FAM124A: variants seen among roughly 807,000 people sequenced by gnomAD.
FAM124A encodes the protein protein FAM124A.
A neutral mutation model predicts 24.5 loss-of-function variants in FAM124A; 23 were observed. The ratio of observed to expected loss-of-function variants is 0.94; its 90% CI spans 0.68 to 1.33. The LOEUF (loss-of-function observed/expected upper bound fraction) is 1.33, where lower values mean the gene tolerates loss of function less well. Ranked by LOEUF, FAM124A falls within the 40% of genes most tolerant of loss-of-function variation. FAM124A has a pLI of 0.00. For synonymous variants in FAM124A, 287 were observed against 314.7 expected (o/e 0.91, Z 0.93); for missense variants, 623 against 722.8 (o/e 0.86, Z 1.58).
At chr13:51,227,460 A>G (rs2137642666) in intron 1 of FAM124A, 1 of 152,372 alleles carries the variant, frequency 6.6e-6, no homozygotes, top group East Asian at 1.9e-4. Flanking sequence ...AAAGCAAACT[A>G]GTATTCTTCT....
intron 2 of FAM124A, among the ~76,000 whole-genome samples, chr13:51,244,461 A>G (rs1297112154): frequency 6.6e-6 from 1 of 152,224 alleles, no homozygotes; most frequent in Non-Finnish European, 1.5e-5. Flanking sequence ...ATTGTCAGTG[A>G]CAAATTGTGT....
chr13:51,224,379 G>A (rs973435276), intron 1 of FAM124A, among the ~76,000 whole-genome samples: 5 of 152,164 alleles, frequency 3.3e-5, no homozygotes, highest in African/African-American at 1.2e-4. Context: ...GCTGAGGCAG[G>A]AGAATCGCTT....
rs1003928789 is a variant in FAM124A, at chr13:51,282,169, A to G, written c.*913A>G. On this transcript the variant is annotated 3_prime_UTR_variant, in exon 4 of 4. Transcript: ENST00000322475. ...GTCTAAGGACTATATTCAAATGACA[A>G]GAGCCGCACTGTATACTGCTTTCTG... The G allele has an allele frequency of 6.6e-6, 1 of 152,234 alleles. No homozygotes were observed. The highest frequency in any genetic ancestry group is 1.5e-5 in the Non-Finnish European group (1 of 68,044). The allele number at this position is 152,234 out of a possible 1,614,324, so 9.4% of individuals were successfully genotyped here. A position where few individuals can be genotyped will look rare whatever the true frequency, so the allele number is the denominator to read the frequency against.
At position 51,251,457 on chromosome 13, in the gene FAM124A, C is replaced by T. The variant is rs750984967; in HGVS notation, c.101-11C>T. On this transcript the variant is annotated splice_polypyrimidine_tract_variant and intron_variant, in intron 2 of 3. Coordinates refer to ENST00000322475, the MANE Select transcript of FAM124A (RefSeq NM_001242312.2). The surrounding 1 kb of genome is among the most constrained non-coding windows in gnomAD (Gnocchi z 5.3). ...TATTCATTCATCCATTCGTTTTTTG[C>T]GTGCCCCCAGGTGAGCTTTCCGTTG... 6 of 1,492,450 alleles carry T rather than the reference C, an allele frequency of 4.0e-6. No individual in the cohort carries two copies. The highest frequency in any genetic ancestry group is 2.8e-5 in the African/African-American group (2 of 71,304). 92.5% of individuals were successfully genotyped at this position (1,492,450 alleles called of 1,614,324 possible).
intron 2 of FAM124A, among the ~76,000 whole-genome samples, chr13:51,247,187 C>T (rs1283661291): frequency 3.3e-5 from 5 of 152,180 alleles, no homozygotes; most frequent in African/African-American, 1.2e-4. Flanking sequence ...TGCAGAGGGG[C>T]CAGGCGGGAG....
At chr13:51,255,793 C>T (rs990472403) in intron 3 of FAM124A, among the ~76,000 whole-genome samples, 1 of 152,220 alleles carries the variant, frequency 6.6e-6, no homozygotes, top group Non-Finnish European at 1.5e-5. Context: ...GGAGGCTGGG[C>T]AAACAGAATA....
At chr13:51,274,533 T>C (rs1162384697) in intron 3 of FAM124A, among the ~76,000 whole-genome samples, 3 of 152,204 alleles carry the variant, frequency 2.0e-5, no homozygotes, top group Admixed American at 2.0e-4. Flanking sequence ...ATTTGAAAAG[T>C]TGCTCTTTAT....
intron 3 of FAM124A, among the ~76,000 whole-genome samples, chr13:51,268,533 T>C (rs1283613076): frequency 6.6e-6 from 1 of 152,144 alleles, no homozygotes. Flanking sequence ...TGCTTTTCAT[T>C]AGGTCAGGTG....
At chr13:51,265,960 A>T in intron 3 of FAM124A, among the ~76,000 whole-genome samples, 1 of 152,226 alleles carries the variant, frequency 6.6e-6, no homozygotes, top group Non-Finnish European at 1.5e-5. Context: ...TCACCAAAAA[A>T]CTATACAGAT....
Position 51,246,405 on chromosome 13 carries a change from G to T in FAM124A, c.101-5063G>T, listed in dbSNP as rs530907851. Among the ~76,000 whole-genome samples the T allele has an allele frequency of 2.5e-4, 18 of 70,860 alleles. 2 individuals carry two copies. The highest frequency in any genetic ancestry group is 1.0e-3 in the East Asian group (2 of 1,930). 46.5% of individuals were successfully genotyped at this position (70,860 alleles called of 152,430 possible). On this transcript the variant is annotated intron_variant, in intron 2 of 3. Coordinates refer to ENST00000322475, the MANE Select transcript of FAM124A (RefSeq NM_001242312.2). ...CACAGAGGCATGTTTCTCGTGGGGT[G>T]GGGGGGGGTGTAACTCTAACACCTG...
intron 3 of FAM124A, among the ~76,000 whole-genome samples, chr13:51,271,115 C>A (rs992710392): frequency 6.6e-6 from 1 of 152,164 alleles, no homozygotes; most frequent in Non-Finnish European, 1.5e-5. Context: ...GTTCAACATA[C>A]TTTAGCCAAG....
intron 2 of FAM124A, among the ~76,000 whole-genome samples, chr13:51,239,156 A>G (rs566991271): frequency 3.4e-4 from 52 of 152,332 alleles, no homozygotes; most frequent in African/African-American, 1.2e-3. Context: ...AAAGTGAATA[A>G]CTGCCACTAC....
intron 2 of FAM124A, among the ~76,000 whole-genome samples, chr13:51,250,441 AAG>A (rs1776278887): frequency 6.6e-6 from 1 of 152,236 alleles, no homozygotes; most frequent in Admixed American, 6.5e-5. Context: ...CATCTTTTAA[AAG>A]AGCAAGCCTT....
chr13:51,264,879 T>C (rs759869505), intron 3 of FAM124A, among the ~76,000 whole-genome samples: 1 of 152,198 alleles, frequency 6.6e-6, no homozygotes, highest in Non-Finnish European at 1.5e-5. Flanking sequence ...TCTTTAAGCT[T>C]TGATGCTAAG....
intron 1 of FAM124A, among the ~76,000 whole-genome samples, 165 bp downstream of exon 1, chr13:51,222,734 G>A (rs1002776875): frequency 6.6e-6 from 1 of 152,152 alleles, no homozygotes; most frequent in Non-Finnish European, 1.5e-5. Context: ...GCTGCCCTGG[G>A]CAGGGCGGGC....
chr13:51,224,597 T>C (rs1244322392), intron 1 of FAM124A, among the ~76,000 whole-genome samples: 9 of 152,248 alleles, frequency 5.9e-5, no homozygotes, highest in African/African-American at 9.6e-5. Flanking sequence ...GAATTTCAGT[T>C]ATCAAAAAGC....
At chr13:51,222,891 T>G (rs1252098190) in intron 1 of FAM124A, among the ~76,000 whole-genome samples, 5 of 152,314 alleles carry the variant, frequency 3.3e-5, no homozygotes, top group Non-Finnish European at 5.9e-5. Context: ...GTTTCCTCCT[T>G]CCTCGGGGAC....
At chr13:51,231,503 A>G in intron 2 of FAM124A, 124 bp downstream of exon 2, 2 of 1,012,636 alleles carry the variant, frequency 2.0e-6, no homozygotes, top group South Asian at 1.7e-5. Flanking sequence ...TTTGCCAAAG[A>G]ATGTGGTACA....
At chr13:51,255,769 G>C (rs1386031996) in intron 3 of FAM124A, among the ~76,000 whole-genome samples, 1 of 152,198 alleles carries the variant, frequency 6.6e-6, no homozygotes, top group Non-Finnish European at 1.5e-5. Flanking sequence ...GTTCAGAAAA[G>C]CTGCTGCACA....
Sources: allele counts gnomAD v4.1 joint callset (sites outside exome capture counted in the v4.1 genomes callset), GRCh38; gene constraint gnomAD v4.1.1; non-coding constraint Gnocchi (gnomAD v3.1); transcripts MANE v1.5; gene names NCBI Gene and HGNC (gene_info 2026-07-23, HGNC 2026-07-21).